The following LMO3 variants were observed in gnomAD, a reference collection of about 807,000 sequenced individuals.
The protein encoded by LMO3 is LIM domain only protein 3.
In LMO3, 2 loss-of-function variants were observed where a neutral mutation model predicts 15.8. That is an observed-to-expected ratio of 0.13 (90% CI 0.05 to 0.40). The LOEUF is 0.40. LMO3 is among the 10% of genes least tolerant of loss of function. The probability of loss-of-function intolerance (pLI) is 0.99; values close to 1 mark genes in which losing one functional copy is unlikely to be tolerated. For synonymous variants in LMO3, 62 were observed against 63.8 expected (o/e 0.97, Z 0.13); for missense variants, 86 against 182.2 (o/e 0.47, Z 3.04).
Position 16,587,110 on chromosome 12 carries a change from G to A in LMO3, c.206+13545C>T, listed in dbSNP as rs1943345420. Among the ~76,000 whole-genome samples, 1 of 152,132 alleles carries A rather than the reference G, an allele frequency of 6.6e-6. No homozygotes were observed. Among genetic ancestry groups the A allele is most frequent in the Non-Finnish European group, 1.5e-5 (1 of 68,016 alleles). On this transcript the variant is annotated intron_variant, in intron 2 of 3. Transcript: ENST00000537304. The surrounding 1 kb of genome is among the most constrained non-coding windows in gnomAD (Gnocchi z 4.3). ...TTAACTACCAAACTATGCCCACAAG[G>A]GTACTTGGACAATGGCTTACATTTT...
chr12:16,580,527 G>C (rs1943127038), intron 2 of LMO3, among the ~76,000 whole-genome samples: 1 of 152,158 alleles, frequency 6.6e-6, no homozygotes, highest in Non-Finnish European at 1.5e-5. Context: ...AAAACCTTTG[G>C]AGGACTTTTC....
rs1398569274 is a variant in LMO3, at chr12:16,559,890, A to C, written c.332+523T>G. Among the ~76,000 whole-genome samples, 3 of 152,054 alleles carry C rather than the reference A, an allele frequency of 2.0e-5. No individual in the cohort carries two copies. Among genetic ancestry groups the C allele is most frequent in the Non-Finnish European group, 4.4e-5 (3 of 68,010 alleles). ...GGCAGGAGGATTGCTTGAGCACAGAAGTTGAGGCTGCATGAGCCATGTTAG... is the reference window on the plus strand; with the variant it reads ...GGCAGGAGGATTGCTTGAGCACAGACGTTGAGGCTGCATGAGCCATGTTAG... On this transcript the variant is annotated intron_variant, in intron 3 of 3. Transcript: ENST00000537304. This position sits in a 1 kb window ranked among gnomAD's most constrained non-coding sequence, Gnocchi z 4.1.
chr12:16,578,808 A>T (rs1013505626), intron 2 of LMO3, among the ~76,000 whole-genome samples: 2 of 146,950 alleles, frequency 1.4e-5, no homozygotes, highest in African/African-American at 5.0e-5. Context: ...ACAGAGCGAG[A>T]TTCTGTCTCA....
chr12:16,578,127 G>T (rs1943050881), intron 2 of LMO3, among the ~76,000 whole-genome samples: 1 of 152,058 alleles, frequency 6.6e-6, no homozygotes, highest in African/African-American at 2.4e-5. Context: ...GTCTTGCCAG[G>T]CAACAGAGAC....
At chr12:16,583,498 T>A (rs1190094028) in intron 2 of LMO3, among the ~76,000 whole-genome samples, 2 of 151,998 alleles carry the variant, frequency 1.3e-5, no homozygotes, top group East Asian at 3.9e-4. Flanking sequence ...ACACACAGAA[T>A]ACTGGAGGGA....
upstream of LMO3, chr12:16,609,406 A>AGTTT (rs1268722219): frequency 1.6e-4 from 25 of 152,344 alleles, no homozygotes; most frequent in Admixed American, 7.8e-4. Context: ...CCAGGCAAGC[A>AGTTT]GTTTCTTCAT....
intron 2 of LMO3, among the ~76,000 whole-genome samples, chr12:16,577,166 AC>A (rs1022702865): frequency 2.0e-5 from 3 of 152,174 alleles, no homozygotes; most frequent in African/African-American, 4.8e-5. Context: ...TACCATCATT[AC>A]CCCATTACTC....
chr12:16,596,706 C>T lies in LMO3; in HGVS notation c.206+3949G>A, dbSNP rs1363574858. Among the ~76,000 whole-genome samples, 1 of 151,688 alleles carries T rather than the reference C, an allele frequency of 6.6e-6. No homozygotes were observed. The highest frequency in any genetic ancestry group is 1.5e-5 in the Non-Finnish European group (1 of 67,698). ...TCCTAATTCTAAGACTCTGATTATG[C>T]ACTGGCTGGCTACTTTATTCATATT... On this transcript the variant is annotated intron_variant, in intron 2 of 3. Coordinates refer to ENST00000537304, the MANE Select transcript of LMO3 (RefSeq NM_018640.5). This position sits in a 1 kb window ranked among gnomAD's most constrained non-coding sequence, Gnocchi z 4.3.
rs1943743522 is a variant in LMO3 at position 16,599,055 on chromosome 12, T to C, written c.206+1600A>G. The stretch of plus-strand genomic sequence containing the variant: ...CAGATAAAGCAAAACTAAAAAGCAG[T>C]ATTAAATCACTAAAAGCAAATACAA... On this transcript the variant is annotated intron_variant, in intron 2 of 3. Transcript: ENST00000537304. This position sits in a 1 kb window ranked among gnomAD's most constrained non-coding sequence, Gnocchi z 4.1. The C allele has an allele frequency of 6.4e-6, 1 of 156,970 alleles. No homozygotes were observed. Among genetic ancestry groups the C allele is most frequent in the Non-Finnish European group, 1.4e-5 (1 of 69,920 alleles). The allele number at this position is 156,970 out of a possible 1,614,324, so 9.7% of individuals were successfully genotyped here. A position where few individuals can be genotyped will look rare whatever the true frequency, so the allele number is the denominator to read the frequency against.
At position 16,582,143 on chromosome 12, in the gene LMO3, T is replaced by A. The variant is rs190701523; in HGVS notation, c.206+18512A>T. The stretch of plus-strand genomic sequence containing the variant: ...GTTAGGTTTCAGTAAATTTTCTTAA[T>A]CATATTTAACTGGTTTCTTCCTGTT... On this transcript the variant is annotated intron_variant, in intron 2 of 3. Coordinates refer to ENST00000537304, the MANE Select transcript of LMO3 (RefSeq NM_018640.5). This position sits in a 1 kb window ranked among gnomAD's most constrained non-coding sequence, Gnocchi z 4.1. 7.2e-5 allele frequency among the ~76,000 whole-genome samples: 11 copies of A among 152,024 alleles called. No homozygotes were observed. The highest frequency in any genetic ancestry group is 2.4e-4 in the African/African-American group (10 of 41,318).
Position 16,560,605 on chromosome 12 carries a change from A to T in LMO3, c.207-67T>A, listed in dbSNP as rs1942367475. 1 of 1,411,940 alleles carries T rather than the reference A, an allele frequency of 7.1e-7. No individual in the cohort carries two copies. Among genetic ancestry groups the T allele is most frequent in the Non-Finnish European group, 9.9e-7 (1 of 1,012,778 alleles). 87.5% of individuals were successfully genotyped at this position (1,411,940 alleles called of 1,614,324 possible). A position where few individuals can be genotyped will look rare whatever the true frequency, so the allele number is the denominator to read the frequency against. ...GAGAAATCTGAGATCGTGAAGAGAG[A>T]TGATGTTAATATACTCTGTAAAGCT... is the stretch of plus-strand genomic sequence containing the variant. On this transcript the variant is annotated intron_variant, in intron 2 of 3. Coordinates refer to ENST00000537304, the MANE Select transcript of LMO3 (RefSeq NM_018640.5). The surrounding 1 kb of genome is among the most constrained non-coding windows in gnomAD (Gnocchi z 5.0).
chr12:16,572,522 G>A (rs1424376109), intron 2 of LMO3, among the ~76,000 whole-genome samples: 1 of 149,706 alleles, frequency 6.7e-6, no homozygotes, highest in East Asian at 1.9e-4. Flanking sequence ...CTATGCCAAA[G>A]TGCCTAGAAT....
chr12:16,606,164 A>T (rs1591840292), upstream of LMO3: 4 of 2,612 alleles, frequency 1.5e-3, no homozygotes, highest in Non-Finnish European at 0.079. Context: ...GCATTGTTTG[A>T]AAAAAAAAAA....
At chr12:16,573,206 ATAT>A (rs1418527904) in intron 2 of LMO3, among the ~76,000 whole-genome samples, 6 of 152,174 alleles carry the variant, frequency 3.9e-5, no homozygotes, top group African/African-American at 1.2e-4. Flanking sequence ...TCATATTAAC[ATAT>A]TATTCATATA....
At chr12:16,562,087 A>G (rs1942427626) in intron 2 of LMO3, among the ~76,000 whole-genome samples, 1 of 152,202 alleles carries the variant, frequency 6.6e-6, no homozygotes, top group Non-Finnish European at 1.5e-5. Flanking sequence ...TTAAAAAGAA[A>G]GAACTTGCTC....
At chr12:16,595,338 A>G (rs1376893783) in intron 2 of LMO3, among the ~76,000 whole-genome samples, 2 of 151,536 alleles carry the variant, frequency 1.3e-5, no homozygotes, top group Non-Finnish European at 3.0e-5. Flanking sequence ...TTATAGAATT[A>G]AAGATAGAAA....
intron 2 of LMO3, among the ~76,000 whole-genome samples, chr12:16,572,339 C>CTTTTTTTTTTTTTTTTTTTTTTTTTTT (rs59773866): frequency 2.2e-5 from 2 of 89,530 alleles, no homozygotes; most frequent in Admixed American, 1.5e-4. Context: ...GGTCCAAACT[C>CTTTTTTTTTTTTTTTTTTTTTTTTTTT]TTTTTTTTTT....
At chr12:16,605,426 C>G in intron 1 of LMO3, 1 of 1,021,152 alleles carries the variant, frequency 9.8e-7, no homozygotes, top group Non-Finnish European at 1.2e-6. Context: ...ACTTCTGCCC[C>G]TACCCGCCTG....
At position 16,605,650 on chromosome 12, in the gene LMO3, G is replaced by A. The variant is rs745571328; in HGVS notation, c.-9+416C>T. ...CCAGGACTGAATTCTTTTCCTATGG[G>A]CTGGGAGCAAACACTTCCTAATTCC... On this transcript the variant is annotated intron_variant, in intron 1 of 3. Transcript: ENST00000537304. 2.9e-6 allele frequency: 3 copies of A among 1,028,166 alleles called. No homozygotes were observed. The East Asian group carries it at 7.9e-5, about 27-fold the overall frequency. The allele number at this position is 1,028,166 out of a possible 1,614,324, so 63.7% of individuals were successfully genotyped here.
Sources: gnomAD v4.1 joint callset for allele counts (sites outside exome capture counted in the v4.1 genomes callset) on GRCh38, gnomAD v4.1.1 for gene constraint, Gnocchi (gnomAD v3.1) non-coding constraint, MANE v1.5 for transcripts, NCBI Gene and HGNC (gene_info 2026-07-23, HGNC 2026-07-21) for gene names.